The following PHF8 variants were observed in gnomAD, a reference collection of about 807,000 sequenced individuals.
The protein encoded by PHF8 is PHD finger protein 8, also known as histone lysine demethylase PHF8.
In PHF8, 9 loss-of-function variants were observed where a neutral mutation model predicts 74.4. The ratio of observed to expected loss-of-function variants is 0.12; its 90% confidence interval spans 0.07 to 0.21. The LOEUF is 0.21. Ranked by LOEUF, PHF8 falls within the 10% of genes least tolerant of loss-of-function variation. The pLI, the probability that PHF8 is intolerant of heterozygous loss-of-function variation, is 1.00. For synonymous variants in PHF8, 311 were observed against 316.6 expected (o/e 0.98, Z 0.19); for missense variants, 478 against 816.6 (o/e 0.59, Z 5.05).
At chrX:54,029,550 A>G (rs1309623977) in intron 2 of PHF8, among the ~76,000 whole-genome samples, 1 of 112,158 alleles carries the variant, frequency 8.9e-6, no homozygotes, top group Non-Finnish European at 1.9e-5. Context: ...CTCTCTCTCA[A>G]CTTACCATGC....
intron 14 of PHF8, among the ~76,000 whole-genome samples, chrX:53,988,766 A>AG: frequency 9.3e-6 from 1 of 108,002 alleles, no homozygotes; most frequent in African/African-American, 3.4e-5. Flanking sequence ...AAAAAAAAAA[A>AG]AAAATACTGT....
chrX:53,985,235 G>A lies in PHF8; in HGVS notation c.2130-8C>T. 2.6e-6 allele frequency: 3 copies of A among 1,172,735 alleles called. No homozygotes were observed. The highest frequency in any genetic ancestry group is 1.9e-5 in the South Asian group (1 of 53,761). On this transcript the variant is annotated splice_region_variant and splice_polypyrimidine_tract_variant and intron_variant, in intron 17 of 21. Coordinates refer to ENST00000338154, the MANE Select transcript of PHF8 (RefSeq NM_015107.3). Reference sequence around the variant, plus strand: ...GGAGAAGCTGGGGCCTCGCTGCAAGGAACAGAGGAGAAATACTGAGAGAGT... The same window carrying A: ...GGAGAAGCTGGGGCCTCGCTGCAAGAAACAGAGGAGAAATACTGAGAGAGT...
intron 2 of PHF8, among the ~76,000 whole-genome samples, chrX:54,029,931 C>A (rs2066326985): frequency 9.0e-6 from 1 of 111,187 alleles, no homozygotes; most frequent in Non-Finnish European, 1.9e-5. Context: ...GTGACTATAA[C>A]GATTGCACAC....
chrX:53,970,136 A>G (rs2065271110), intron 18 of PHF8, among the ~76,000 whole-genome samples: 1 of 112,014 alleles, frequency 8.9e-6, no homozygotes, highest in South Asian at 3.6e-4. Context: ...ATATAATTAC[A>G]TTAAGCCAAA....
At position 54,044,296 on chromosome X, in the gene PHF8, G is replaced by A; in HGVS notation, c.-627C>T. The A allele has an allele frequency of 1.3e-6, 1 of 755,067 alleles. No homozygotes were observed. Among genetic ancestry groups the A allele is most frequent in the Non-Finnish European group, 1.6e-6 (1 of 639,248 alleles). 62.2% of individuals were successfully genotyped at this position (755,067 alleles called of 1,213,427 possible). Reference sequence around the variant, plus strand: ...CACACGGCCCGAAAAGTCGCTGGGAGAAGCCCAGTGGCGGTGGTAGGCAAT... The same window carrying A: ...CACACGGCCCGAAAAGTCGCTGGGAAAAGCCCAGTGGCGGTGGTAGGCAAT... On this transcript the variant is annotated 5_prime_UTR_variant, in exon 1 of 22. Coordinates refer to ENST00000338154, the MANE Select transcript of PHF8 (RefSeq NM_015107.3).
At chrX:53,998,437 G>T (rs994505554) in intron 11 of PHF8, among the ~76,000 whole-genome samples, 1 of 110,747 alleles carries the variant, frequency 9.0e-6, no homozygotes, top group Non-Finnish European at 1.9e-5. Flanking sequence ...CTGGGCGACA[G>T]AGTGAGGTTC....
chrX:54,016,162 C>A (rs1464832001), intron 6 of PHF8, among the ~76,000 whole-genome samples: 1 of 111,625 alleles, frequency 9.0e-6, no homozygotes, highest in Non-Finnish European at 1.9e-5. Context: ...TATAACCCAG[C>A]TCGCCATCCC....
intron 2 of PHF8, among the ~76,000 whole-genome samples, chrX:54,028,008 A>G (rs2066296283): frequency 9.0e-6 from 1 of 110,498 alleles, no homozygotes; most frequent in African/African-American, 3.3e-5. Flanking sequence ...ACACACACAC[A>G]CACACACACA....
intron 14 of PHF8, among the ~76,000 whole-genome samples, chrX:53,988,457 C>T (rs1557100372): frequency 9.1e-6 from 1 of 109,999 alleles, no homozygotes; most frequent in East Asian, 2.8e-4. Flanking sequence ...AACTATAAAA[C>T]TAGAGTAAAA....
At chrX:54,039,169 A>G (rs1316160557) in intron 2 of PHF8, among the ~76,000 whole-genome samples, 1 of 109,458 alleles carries the variant, frequency 9.1e-6, no homozygotes, top group Non-Finnish European at 1.9e-5. Context: ...CACTAGAGAT[A>G]TGAACAGATT....
At position 54,014,445 on chromosome X, in the gene PHF8, C is replaced by T. The variant is rs782444247; in HGVS notation, c.715G>A (p.Val239Met). The change falls in exon 7 of 22, where the codon GTG (valine) becomes ATG (methionine). Residue 239 changes from valine (V) to methionine (M), a missense_variant. This residue lies in a region of PHF8 where 70 missense variants were observed against 234.1 expected (regional missense o/e 0.30). Transcript: ENST00000338154. ...TGAAAGTCTGTATAGCTATCTCGCA[C>T]ACTCATGAGGCAGTACTTCTGTACA... ...PNVQKYCLMS[V>M]RDSYTDFHID... 4.1e-6 allele frequency: 5 copies of T among 1,205,644 alleles called. No homozygotes were observed. In the South Asian group the frequency reaches 5.3e-5, roughly 13 times the overall value.
intron 2 of PHF8, among the ~76,000 whole-genome samples, chrX:54,027,921 AG>A (rs1557111747): frequency 9.1e-6 from 1 of 110,352 alleles, no homozygotes; most frequent in East Asian, 2.8e-4. Flanking sequence ...AGACCTAGGT[AG>A]AAAAAAAAAC....
intron 18 of PHF8, among the ~76,000 whole-genome samples, chrX:53,982,678 T>C (rs1726917828): frequency 9.0e-6 from 1 of 111,521 alleles, no homozygotes; most frequent in Admixed American, 9.5e-5. Context: ...ATGACAAAGG[T>C]AGAACTTCAA....
chrX:53,966,943 G>A (rs1219967221), intron 18 of PHF8, among the ~76,000 whole-genome samples: 3 of 110,328 alleles, frequency 2.7e-5, no homozygotes, highest in East Asian at 2.9e-4. Flanking sequence ...GGGAGGTGAG[G>A]AGCGTCTCTG....
intron 2 of PHF8, among the ~76,000 whole-genome samples, chrX:54,029,863 T>C (rs1365897399): frequency 9.0e-6 from 1 of 111,415 alleles, no homozygotes; most frequent in Non-Finnish European, 1.9e-5. Flanking sequence ...AAGGCAAAAT[T>C]ATTAAGAATT....
chrX:53,996,576 C>T (rs1378943807), intron 11 of PHF8, among the ~76,000 whole-genome samples: 1 of 111,141 alleles, frequency 9.0e-6, no homozygotes, highest in Non-Finnish European at 1.9e-5. Context: ...CAGAGTCTTA[C>T]TCTGCCACCC....
chrX:53,973,312 T>C (rs1288177663), intron 18 of PHF8, among the ~76,000 whole-genome samples: 1 of 111,547 alleles, frequency 9.0e-6, no homozygotes, highest in East Asian at 2.8e-4. Context: ...AAATTCACAT[T>C]GAATGAAAAA....
intron 2 of PHF8, among the ~76,000 whole-genome samples, chrX:54,026,025 C>T (rs782536598): frequency 9.0e-6 from 1 of 111,359 alleles, no homozygotes; most frequent in African/African-American, 3.3e-5. Context: ...AAAAATAACC[C>T]ATTGGATTGG....
intron 4 of PHF8, among the ~76,000 whole-genome samples, chrX:54,019,606 C>A (rs1715306232): frequency 9.2e-6 from 1 of 108,577 alleles, no homozygotes; most frequent in South Asian, 4.0e-4. Context: ...GCCTGGCCAG[C>A]ATGGTGAAAC....
Sources: allele counts gnomAD v4.1 joint callset (sites outside exome capture counted in the v4.1 genomes callset), GRCh38; gene constraint gnomAD v4.1.1; regional missense constraint gnomAD v4.1.1; transcripts MANE v1.5; gene names NCBI Gene and HGNC (gene_info 2026-07-23, HGNC 2026-07-21).